The following PWWP2A variants were observed in gnomAD, a reference collection of about 807,000 sequenced individuals.
PWWP2A encodes PWWP domain-containing protein 2A.
In PWWP2A, 18 loss-of-function variants were observed where a neutral mutation model predicts 48.5. That is an observed-to-expected ratio of 0.37 (90% CI 0.26 to 0.55). The LOEUF (loss-of-function observed/expected upper bound fraction) is 0.55, where lower values mean the gene tolerates loss of function less well. Ranked by LOEUF, PWWP2A falls within the 20% of genes least tolerant of loss-of-function variation. The pLI, the probability that PWWP2A is intolerant of heterozygous loss-of-function variation, is 0.81. For synonymous variants in PWWP2A, 396 were observed against 387.7 expected (o/e 1.02, Z -0.25); for missense variants, 867 against 976.4 (o/e 0.89, Z 1.49).
chr5:160,110,992 AAAT>A (rs1226921891), intron 1 of PWWP2A, among the ~76,000 whole-genome samples: 1 of 150,936 alleles, frequency 6.6e-6, no homozygotes, highest in African/African-American at 2.4e-5. Flanking sequence ...AAAAAAAAAA[AAAT>A]GACACACCAA....
At chr5:160,089,460 C>T (rs892112369), downstream of PWWP2A, 1 of 1,063,792 alleles carries the variant, frequency 9.4e-7, no homozygotes, top group African/African-American at 1.7e-5. Flanking sequence ...AATCATCCCA[C>T]CTTGGCCTTC....
chr5:160,063,984 T>TTTTG (rs1482966350), intron 4 of PWWP2A, among the ~76,000 whole-genome samples: 1 of 149,650 alleles, frequency 6.7e-6, no homozygotes, highest in African/African-American at 2.5e-5. Context: ...TTTTTTTTTT[T>TTTTG]TTGAGACGGA....
chr5:160,061,979 G>A (rs1581130947), exon 6 of PWWP2A: 1 of 152,318 alleles, frequency 6.6e-6, no homozygotes, highest in Admixed American at 6.5e-5. Context: ...GGGAGCCAGT[G>A]CTGCCCCTCA....
downstream of PWWP2A, among the ~76,000 whole-genome samples, chr5:160,060,065 G>T (rs1003701647): frequency 6.6e-6 from 1 of 152,188 alleles, no homozygotes; most frequent in African/African-American, 2.4e-5. Flanking sequence ...TTTGCCTTTT[G>T]CTCGGAGAAA....
downstream of PWWP2A, chr5:160,089,372 TTTTA>T (rs1355845325): frequency 2.9e-6 from 1 of 349,194 alleles, no homozygotes; most frequent in Admixed American, 4.6e-5. Flanking sequence ...CCAGCTAAGT[TTTTA>T]TTTTTCTGCA....
chr5:160,073,890 C>CCCCT (rs1373816879), downstream of PWWP2A, among the ~76,000 whole-genome samples: 1 of 151,656 alleles, frequency 6.6e-6, no homozygotes, highest in East Asian at 2.0e-4. Flanking sequence ...CATGGCGAAA[C>CCCCT]CCCTTCCCTA....
chr5:160,093,510 C>G lies in PWWP2A; in HGVS notation c.1140G>C (p.Gln380His), dbSNP rs1333565702. The G allele has an allele frequency of 3.7e-6, 6 of 1,613,812 alleles. No homozygotes were observed. The highest frequency in any genetic ancestry group is 5.1e-6 in the Non-Finnish European group (6 of 1,179,882). Residue 380 changes from glutamine to histidine, a missense_variant, in exon 2 of 2, where the codon CAG becomes CAC. Physicochemically the swap from Gln to His is conservative, Grantham distance 24 (BLOSUM62 0). Around this residue, in one of 4 missense-constraint regions of PWWP2A, gnomAD observed 382 missense variants for 407.2 expected, o/e 0.94. Transcript: ENST00000307063. The surrounding 1 kb of genome is among the most constrained non-coding windows in gnomAD (Gnocchi z 5.8). ...KVDGKNQNES[Q>H]KRNAVVKVSN... ...AAACCTTAACCACAGCATTTCTTTTCTGGCTTTCATTTTGGTTTTTCCCAT... is the reference window on the plus strand; with the variant it reads ...AAACCTTAACCACAGCATTTCTTTTGTGGCTTTCATTTTGGTTTTTCCCAT...
chr5:160,059,610 ATTG>A (rs1447244868), downstream of PWWP2A, among the ~76,000 whole-genome samples: 1 of 152,196 alleles, frequency 6.6e-6, no homozygotes, highest in African/African-American at 2.4e-5. Flanking sequence ...TAATTTCAAT[ATTG>A]TTGTGGCTTA....
Position 160,119,398 on chromosome 5 carries a change from A to G in PWWP2A, c.-10T>C. On this transcript the variant is annotated 5_prime_UTR_variant, in exon 1 of 2. Transcript: ENST00000307063. ...CAGCCACGGCCGCCATTTTCTTCCT[A>G]GCTTCTCCCTCCTCCAACTCCGGCT... 1 of 1,358,762 alleles carries G rather than the reference A, an allele frequency of 7.4e-7. No individual in the cohort carries two copies. The highest frequency in any genetic ancestry group is 9.4e-7 in the Non-Finnish European group (1 of 1,062,366). 84.2% of individuals were successfully genotyped at this position (1,358,762 alleles called of 1,614,324 possible).
intron 1 of PWWP2A, chr5:160,108,517 A>G (rs1206943542): frequency 2.2e-5 from 25 of 1,142,222 alleles, no homozygotes; most frequent in Non-Finnish European, 2.8e-5. Flanking sequence ...TGGACACTGT[A>G]GTATAAGCTA....
the PWWP2A span, among the ~76,000 whole-genome samples, chr5:160,045,454 CCACACACACA>C: frequency 0.031 from 1,214 of 38,758 alleles, 46 homozygotes; most frequent in Admixed American, 0.035. Context: ...CCCCCACCCT[CCACACACACA>C]CACACACACA....
chr5:160,047,519 T>C, the PWWP2A span, among the ~76,000 whole-genome samples: 1 of 152,216 alleles, frequency 6.6e-6, no homozygotes, highest in Non-Finnish European at 1.5e-5. Flanking sequence ...GCTTTCCAGC[T>C]GATCTCACAG....
chr5:160,048,391 T>C, the PWWP2A span, among the ~76,000 whole-genome samples: 54 of 152,164 alleles, frequency 3.5e-4, 1 homozygote, highest in East Asian at 9.9e-3. Context: ...CTGACCCCAA[T>C]TGACCTGCCT....
At chr5:160,113,949 T>A (rs972435486) in intron 1 of PWWP2A, among the ~76,000 whole-genome samples, 22 of 152,186 alleles carry the variant, frequency 1.4e-4, no homozygotes, top group Non-Finnish European at 2.6e-4. Flanking sequence ...ACAAGTTAAC[T>A]GGCCAAATTA....
At chr5:160,082,690 A>T (rs1212376056) in intron 2 of PWWP2A, among the ~76,000 whole-genome samples, 1 of 152,150 alleles carries the variant, frequency 6.6e-6, no homozygotes, top group Non-Finnish European at 1.5e-5. Flanking sequence ...CTAATGTTTA[A>T]GATAATCTTC....
chr5:160,116,381 G>A (rs1267247502), intron 1 of PWWP2A, among the ~76,000 whole-genome samples: 3 of 152,078 alleles, frequency 2.0e-5, no homozygotes, highest in African/African-American at 4.8e-5. Context: ...GCTTCAGCCC[G>A]GGAGGCGGAG....
chr5:160,051,084 T>A, the PWWP2A span: 2 of 375,562 alleles, frequency 5.3e-6, no homozygotes, highest in Admixed American at 4.0e-4. Context: ...AGGTTTTGGT[T>A]TTTTTTTTTT....
At chr5:160,089,554 TGA>T, downstream of PWWP2A, 1 of 1,284,358 alleles carries the variant, frequency 7.8e-7, no homozygotes, top group Non-Finnish European at 1.0e-6. Context: ...CATCTGTAAA[TGA>T]GAGTTGAATG....
Position 160,092,122 on chromosome 5 carries a change from G to A in PWWP2A, c.*260C>T. ...AAATTCAATTTCAGTTGAGGCTATG[G>A]CTCCTATGCCTTGGGATGGTTTCGA... On this transcript the variant is annotated 3_prime_UTR_variant, in exon 2 of 2. Coordinates refer to ENST00000307063, the MANE Select transcript of PWWP2A (RefSeq NM_001130864.2). 1.7e-6 allele frequency: 2 copies of A among 1,181,844 alleles called. No individual in the cohort carries two copies. The highest frequency in any genetic ancestry group is 2.1e-6 in the Non-Finnish European group (2 of 954,150). 73.2% of individuals were successfully genotyped at this position (1,181,844 alleles called of 1,614,324 possible).
Sources: gnomAD v4.1 joint callset for allele counts (sites outside exome capture counted in the v4.1 genomes callset) on GRCh38, gnomAD v4.1.1 for gene constraint, gnomAD v4.1.1 regional missense constraint, Gnocchi (gnomAD v3.1) non-coding constraint, MANE v1.5 for transcripts, NCBI Gene and HGNC (gene_info 2026-07-23, HGNC 2026-07-21) for gene names.